Variants in CASKIN1 observed in about 807,000 individuals in gnomAD.
CASKIN1 encodes the protein CASK interacting protein 1.
A neutral mutation model predicts 117.5 loss-of-function variants in CASKIN1; 42 were observed. The ratio of observed to expected loss-of-function variants is 0.36; its 90% CI spans 0.28 to 0.46. The LOEUF is 0.46. CASKIN1 is among the 20% of genes least tolerant of loss of function. The pLI is 1.00. For synonymous variants in CASKIN1, 1,148 were observed against 961.7 expected (o/e 1.19, Z -3.59); for missense variants, 2,083 against 2,077.3 (o/e 1.00, Z -0.05).
In CASKIN1 at chr16:2,179,958, T is replaced by G; in HGVS notation, c.3410A>C (p.Asn1137Thr). The G allele has an allele frequency of 6.2e-7, 1 of 1,607,084 alleles. No individual in the cohort carries two copies. Among genetic ancestry groups the G allele is most frequent in the Non-Finnish European group, 8.5e-7 (1 of 1,177,376 alleles). ...RIRAKQNQQENVKFILTESDT... is the reference protein window; with the variant it reads ...RIRAKQNQQETVKFILTESDT... Reference sequence around the variant, plus strand: ...AGACTCGGTCAGGATGAACTTGACGTTCTCCTGCTGGTTCTGCTTGGCCCG... The same window carrying G: ...AGACTCGGTCAGGATGAACTTGACGGTCTCCTGCTGGTTCTGCTTGGCCCG... Residue 1137 changes from asparagine (N) to threonine (T), a missense_variant, in exon 18 of 20, where the codon AAC becomes ACC. By Grantham distance (65) the Asn-to-Thr change is moderately conservative. Transcript: ENST00000343516. The surrounding 1 kb of genome is among the most constrained non-coding windows in gnomAD (Gnocchi z 5.8).
At position 2,181,141 on chromosome 16, in the gene CASKIN1, G is replaced by A. The variant is rs763636003; in HGVS notation, c.2227C>T (p.Arg743Trp). ...ATGCTGTGGCCGTGGCGGCCGGGCC[G>A]GGCCTCCCTGGGCGGGGTGCCGGGG... ...PAPGTPPREA[R>W]PGRHGHSIKR... Residue 743 changes from arginine to tryptophan, a missense_variant, in exon 18 of 20, where the codon CGG becomes TGG. This residue lies in a region of CASKIN1 where 1,818 missense variants were observed against 1,688.9 expected (regional missense o/e 1.08). Transcript: ENST00000343516. 1.1e-5 allele frequency: 17 copies of A among 1,482,262 alleles called. No homozygotes were observed. The highest frequency in any genetic ancestry group is 4.2e-5 in the African/African-American group (3 of 70,772). 91.8% of individuals were successfully genotyped at this position (1,482,262 alleles called of 1,614,324 possible).
In CASKIN1 at chr16:2,182,181, G is replaced by T. The variant is rs796225457; in HGVS notation, c.1630-252C>A. On this transcript the variant is annotated intron_variant, in intron 16 of 19. Coordinates refer to ENST00000343516, the MANE Select transcript of CASKIN1 (RefSeq NM_020764.4). This position sits in a 1 kb window ranked among gnomAD's most constrained non-coding sequence, Gnocchi z 4.1. ...CACATCCACAGGACACCCTTGTCGGGGGGGCAGAAGAAGGCACTTTCCCAC... is the reference window on the plus strand; with the variant it reads ...CACATCCACAGGACACCCTTGTCGGTGGGGCAGAAGAAGGCACTTTCCCAC... 9.2e-5 allele frequency among the ~76,000 whole-genome samples: 14 copies of T among 152,290 alleles called. 1 individual carries two copies. The highest frequency in any genetic ancestry group is 3.4e-4 in the African/African-American group (14 of 41,556).
Position 2,196,296 on chromosome 16 carries a change from G to GC in CASKIN1, c.94+42dup. On this transcript the variant is annotated intron_variant, in intron 1 of 19. Transcript: ENST00000343516. This position sits in a 1 kb window ranked among gnomAD's most constrained non-coding sequence, Gnocchi z 5.7. Reference sequence around the variant, plus strand: ...GTGGGGGGCTCCGCGCCGGGGAGGGGCCCCCGGGGCTCCCACCCGCGCCCC... The same window carrying GC: ...GTGGGGGGCTCCGCGCCGGGGAGGGGCCCCCCGGGGCTCCCACCCGCGCCCC... The GC allele has an allele frequency of 2.0e-6, 2 of 977,106 alleles. No individual in the cohort carries two copies. Among genetic ancestry groups the GC allele is most frequent in the Non-Finnish European group, 2.6e-6 (2 of 781,126 alleles). The allele number at this position is 977,106 out of a possible 1,614,324, so 60.5% of individuals were successfully genotyped here.
intron 5 of CASKIN1, 21 bp downstream of exon 5, chr16:2,189,217 A>G (rs745881044): frequency 1.2e-6 from 2 of 1,612,892 alleles, no homozygotes; most frequent in Admixed American, 1.7e-5. Context: ...CCCACCCCAC[A>G]GGGCTCCACA....
rs1358102909 is a variant in CASKIN1 at position 2,183,661 on chromosome 16, C to T, written c.1614G>A (p.Leu538=). The T allele has an allele frequency of 6.2e-7, 1 of 1,613,132 alleles. No homozygotes were observed. Among genetic ancestry groups the T allele is most frequent in the African/African-American group, 1.3e-5 (1 of 74,926 alleles). The change falls in exon 16 of 20, where the codon CTG becomes CTA. Residue 538 remains leucine, a synonymous_variant. Coordinates refer to ENST00000343516, the MANE Select transcript of CASKIN1 (RefSeq NM_020764.4). ...GTGGCCTTACGGGTTTGTGCTCAGGCAGCCAGTCAGGGATGCTTAGGCCGC... is the reference window on the plus strand; with the variant it reads ...GTGGCCTTACGGGTTTGTGCTCAGGTAGCCAGTCAGGGATGCTTAGGCCGC... ...EISGLSIPDW[L]PEHKPANLAV... is the part of the protein sequence containing the mutation.
Position 2,188,936 on chromosome 16 carries a change from T to A in CASKIN1, c.617+91A>T, listed in dbSNP as rs140004911. On this transcript the variant is annotated intron_variant, in intron 6 of 19. Coordinates refer to ENST00000343516, the MANE Select transcript of CASKIN1 (RefSeq NM_020764.4). Reference sequence around the variant, plus strand: ...TGGGACCCTGCCTGCTCCCGCCCTATCCCCAAGCCAGAAGCTGGTGCCCTG... The same window carrying A: ...TGGGACCCTGCCTGCTCCCGCCCTAACCCCAAGCCAGAAGCTGGTGCCCTG... 874 of 1,519,298 alleles carry A rather than the reference T, an allele frequency of 5.8e-4. 2 individuals are homozygous for A. In the African/African-American group the frequency reaches 0.011, roughly 19 times the overall value. The allele number at this position is 1,519,298 out of a possible 1,614,324, so 94.1% of individuals were successfully genotyped here.
rs1209174488 is a variant in CASKIN1, at chr16:2,185,335, C to A, written c.1122G>T (p.Glu374Asp). 1.2e-6 allele frequency: 2 copies of A among 1,606,170 alleles called. No individual in the cohort carries two copies. The highest frequency in any genetic ancestry group is 1.7e-5 in the Admixed American group (1 of 59,606). Residue 374 changes from glutamate to aspartate, a missense_variant, in exon 11 of 20, where the codon GAG becomes GAT. By Grantham distance (45) the Glu-to-Asp change is conservative. Around this residue, in one of 3 missense-constraint regions of CASKIN1, gnomAD observed 1,818 missense variants for 1,688.9 expected, o/e 1.08. Coordinates refer to ENST00000343516, the MANE Select transcript of CASKIN1 (RefSeq NM_020764.4). ...CAAAAGGCTTCCTCAGCACCCAGAT[C>A]TCCTCTGGGGGTGCAGAGGGTCCCG... ...SSSGPSAPPE[E>D]IWVLRKPFAG...
intron 6 of CASKIN1, among the ~76,000 whole-genome samples, chr16:2,188,523 G>C (rs766053571): frequency 1.3e-5 from 2 of 150,924 alleles, no homozygotes; most frequent in Non-Finnish European, 3.0e-5. Context: ...GCTAGTTTTT[G>C]TATTTTTTGT....
intron 10 of CASKIN1, 55 bp downstream of exon 10, chr16:2,186,652 C>T: frequency 1.3e-6 from 2 of 1,503,458 alleles, no homozygotes; most frequent in Non-Finnish European, 1.8e-6. Flanking sequence ...CTCGCTGCTT[C>T]CAGCCCCCAA....
intron 1 of CASKIN1, among the ~76,000 whole-genome samples, chr16:2,193,690 G>A (rs781296189): frequency 3.3e-5 from 5 of 152,246 alleles, no homozygotes; most frequent in Non-Finnish European, 5.9e-5. Flanking sequence ...AGTGGGGGAG[G>A]GTGTCTCCCT....
intron 3 of CASKIN1, 68 bp from the exon 4 acceptor site, chr16:2,189,632 G>T: frequency 6.7e-7 from 1 of 1,499,048 alleles, no homozygotes; most frequent in Non-Finnish European, 8.9e-7. Flanking sequence ...ATAGGGGGGT[G>T]CTGGGACCTG....
chr16:2,178,497 G>A lies in CASKIN1; in HGVS notation c.*53C>T, dbSNP rs1428490343. 6 of 1,423,828 alleles carry A rather than the reference G, an allele frequency of 4.2e-6. No homozygotes were observed. The highest frequency in any genetic ancestry group is 3.0e-5 in the African/African-American group (2 of 66,672). 88.2% of individuals were successfully genotyped at this position (1,423,828 alleles called of 1,614,324 possible). A position where few individuals can be genotyped will look rare whatever the true frequency, so the allele number is the denominator to read the frequency against. On this transcript the variant is annotated 3_prime_UTR_variant, in exon 20 of 20. Transcript: ENST00000343516. Reference sequence around the variant, plus strand: ...CAGACGCGCCCATCCTGAGGTATAGGTCAGTGTGCGGGGAGGGCCCGGGCG... The same window carrying A: ...CAGACGCGCCCATCCTGAGGTATAGATCAGTGTGCGGGGAGGGCCCGGGCG...
rs982174161 is a variant in CASKIN1 at position 2,177,866 on chromosome 16, G to A, written c.*684C>T. 21 of 286,306 alleles carry A rather than the reference G, an allele frequency of 7.3e-5. No individual in the cohort carries two copies. In the East Asian group the frequency reaches 1.2e-3, roughly 17 times the overall value. 17.7% of individuals were successfully genotyped at this position (286,306 alleles called of 1,614,324 possible). A position where few individuals can be genotyped will look rare whatever the true frequency, so the allele number is the denominator to read the frequency against. On this transcript the variant is annotated 3_prime_UTR_variant, in exon 20 of 20. Coordinates refer to ENST00000343516, the MANE Select transcript of CASKIN1 (RefSeq NM_020764.4). ...CGGAGGAGCCCCCGGCAGAGCACCC[G>A]CCCCCGGGCCCCAGCCTTCCACCTG...
Position 2,178,367 on chromosome 16 carries a change from C to T in CASKIN1, c.*183G>A. The stretch of plus-strand genomic sequence containing the variant: ...CCGCGGGCGCAGGGTCTGCCTAGAG[C>T]CCTTGGAGCCCCCGGCCAGGCGGTC... On this transcript the variant is annotated 3_prime_UTR_variant, in exon 20 of 20. Transcript: ENST00000343516. The T allele has an allele frequency of 2.1e-6, 1 of 465,898 alleles. No homozygotes were observed. Among genetic ancestry groups the T allele is most frequent in the Non-Finnish European group, 3.8e-6 (1 of 264,098 alleles). The allele number at this position is 465,898 out of a possible 1,614,324, so 28.9% of individuals were successfully genotyped here.
In CASKIN1 at chr16:2,196,006, C is replaced by T. The variant is rs1256750201; in HGVS notation, c.94+333G>A. ...GCATCCGCCTCGCCCTTTGAAGGCC[C>T]CAGCAGAGACCTCCAGCTGTCAGCC... On this transcript the variant is annotated intron_variant, in intron 1 of 19. Transcript: ENST00000343516. The surrounding 1 kb of genome is among the most constrained non-coding windows in gnomAD (Gnocchi z 5.7). Among the ~76,000 whole-genome samples, 1 of 151,984 alleles carries T rather than the reference C, an allele frequency of 6.6e-6. No individual in the cohort carries two copies. The highest frequency in any genetic ancestry group is 1.5e-5 in the Non-Finnish European group (1 of 67,924).
intron 17 of CASKIN1, 58 bp downstream of exon 17, chr16:2,181,708 GGGCTGGGGCTGGGCTGGTGGCTGGT>G (rs1285472143): frequency 2.2e-4 from 339 of 1,507,800 alleles, no homozygotes; most frequent in Non-Finnish European, 2.9e-4. Flanking sequence ...GGCTGGGGCG[GGGCTGGGGCTGGGCTGGTGGCTGGT>G]GGCTGGGGCT....
Position 2,178,723 on chromosome 16 carries a change from G to A in CASKIN1, c.4200-77C>T, listed in dbSNP as rs1199408693. The A allele has an allele frequency of 6.5e-6, 9 of 1,386,044 alleles. No homozygotes were observed. The East Asian group carries it at 1.7e-4, about 27-fold the overall frequency. 85.9% of individuals were successfully genotyped at this position (1,386,044 alleles called of 1,614,324 possible). ...CCCACCCCGACCAGGACACGCCCAC[G>A]TCCCGCATCTCCGTCGGCTTCCGCC... On this transcript the variant is annotated intron_variant, in intron 19 of 19. Coordinates refer to ENST00000343516, the MANE Select transcript of CASKIN1 (RefSeq NM_020764.4).
rs1040174873 is a variant in CASKIN1, at chr16:2,182,930, A to G, written c.1629+716T>C. On this transcript the variant is annotated intron_variant, in intron 16 of 19. Transcript: ENST00000343516. This position sits in a 1 kb window ranked among gnomAD's most constrained non-coding sequence, Gnocchi z 4.1. ...CTCAGACTCCCAAGTAGCTGGGACT[A>G]TAGGCACCCGCCACCACGCCTGGCC... 6.6e-6 allele frequency among the ~76,000 whole-genome samples: 1 copy of G among 152,216 alleles called. No individual in the cohort carries two copies. The highest frequency in any genetic ancestry group is 1.5e-5 in the Non-Finnish European group (1 of 68,016).
chr16:2,195,918 G>A (rs929483621), intron 1 of CASKIN1, among the ~76,000 whole-genome samples: 10 of 152,188 alleles, frequency 6.6e-5, no homozygotes, highest in African/African-American at 1.9e-4. Context: ...GTCACCTCCC[G>A]GGTCGCCCCT....
Sources: allele counts gnomAD v4.1 joint callset (sites outside exome capture counted in the v4.1 genomes callset), GRCh38; gene constraint gnomAD v4.1.1; regional missense constraint gnomAD v4.1.1; non-coding constraint Gnocchi (gnomAD v3.1); transcripts MANE v1.5; gene names NCBI Gene and HGNC (gene_info 2026-07-23, HGNC 2026-07-21).